The following GTF2I variants were observed in gnomAD, a reference collection of about 807,000 sequenced individuals.
The protein encoded by GTF2I is general transcription factor IIi, also known as general transcription factor II-I.
Under a neutral mutation model 67.6 loss-of-function variants are expected in GTF2I, and 12 were observed. The ratio of observed to expected loss-of-function variants is 0.18; its 90% CI spans 0.11 to 0.29. The LOEUF (loss-of-function observed/expected upper bound fraction) is 0.29, where lower values mean the gene tolerates loss of function less well. Ranked by LOEUF, GTF2I falls within the 10% of genes least tolerant of loss-of-function variation. The pLI is 1.00. For missense variants in GTF2I, 271 were observed against 580.1 expected (o/e 0.47, Z 5.47); for synonymous variants, 149 against 197.0 (o/e 0.76, Z 2.04).
At position 74,670,513 on chromosome 7, in the gene GTF2I, A is replaced by G. The variant is rs138442916; in HGVS notation, c.-6+12445A>G. Among the ~76,000 whole-genome samples the G allele has an allele frequency of 4.4e-3, 667 of 152,200 alleles. 3 individuals are homozygous for G. The highest frequency in any genetic ancestry group is 8.2e-3 in the Admixed American group (125 of 15,242). On this transcript the variant is annotated intron_variant, in intron 1 of 34. Coordinates refer to ENST00000573035, the MANE Select transcript of GTF2I (RefSeq NM_032999.4). ...GGAGTTTGAGACCATCCTGGCCAAC[A>G]TGGTAAAACCCCGTCTCTACTAAAA...
In GTF2I at chr7:74,737,275, C is replaced by T. The variant is rs810374; in HGVS notation, c.1619+592C>T. Among the ~76,000 whole-genome samples the T allele has an allele frequency of 6.7e-5, 10 of 149,558 alleles. 1 individual carries two copies. Among genetic ancestry groups the T allele is most frequent in the Admixed American group, 1.3e-4 (2 of 14,994 alleles). On this transcript the variant is annotated intron_variant, in intron 18 of 34. Coordinates refer to ENST00000573035, the MANE Select transcript of GTF2I (RefSeq NM_032999.4). ...AGGGAGAAGGCAAGGATGGCACACC[C>T]AGCTCGGTCACTTGTGCATCCAGAA...
At chr7:74,678,831 G>A (rs1242007188) in intron 1 of GTF2I, among the ~76,000 whole-genome samples, 1 of 152,094 alleles carries the variant, frequency 6.6e-6, no homozygotes, top group Non-Finnish European at 1.5e-5. Flanking sequence ...GAGTGCAGTG[G>A]CGCGATCTCG....
chr7:74,687,182 G>A (rs1445234475), intron 1 of GTF2I, among the ~76,000 whole-genome samples: 1 of 150,898 alleles, frequency 6.6e-6, no homozygotes, highest in Non-Finnish European at 1.5e-5. Flanking sequence ...TGAGCCACTG[G>A]GCCCAGCCAA....
chr7:74,691,188 TTTTCTTTCTTTC>T lies in GTF2I; in HGVS notation c.238+89_238+100del, dbSNP rs1170190379. The T allele has an allele frequency of 9.8e-5, 106 of 1,078,312 alleles. No individual in the cohort carries two copies. The African/African-American group carries it at 1.6e-3, about 16-fold the overall frequency. 66.8% of individuals were successfully genotyped at this position (1,078,312 alleles called of 1,614,324 possible). ...TTTGTAGGTAAGACAAGTTATATTA[TTTTCTTTCTTTC>T]TTTCTTTCTTTTTTTTTTTTTTTGA... On this transcript the variant is annotated intron_variant, in intron 3 of 34. Coordinates refer to ENST00000573035, the MANE Select transcript of GTF2I (RefSeq NM_032999.4).
chr7:74,712,152 T>A (rs1554402691), intron 9 of GTF2I, among the ~76,000 whole-genome samples: 1 of 152,148 alleles, frequency 6.6e-6, no homozygotes, highest in African/African-American at 2.4e-5. Flanking sequence ...GGTTTCACCA[T>A]GTTGGCCAGG....
At chr7:74,749,900 A>C (rs1431941611) in intron 26 of GTF2I, among the ~76,000 whole-genome samples, 4 of 150,204 alleles carry the variant, frequency 2.7e-5, no homozygotes, top group Non-Finnish European at 4.4e-5. Flanking sequence ...AAAACAAAAA[A>C]AAAAAAAAAA....
intron 1 of GTF2I, among the ~76,000 whole-genome samples, chr7:74,663,145 G>C (rs948134513): frequency 8.5e-5 from 13 of 152,160 alleles, no homozygotes; most frequent in African/African-American, 3.1e-4. Flanking sequence ...TTCATTCTTT[G>C]TTGATGACAT....
chr7:74,668,173 CTTT>C (rs781864782), intron 1 of GTF2I, among the ~76,000 whole-genome samples: 2 of 92,960 alleles, frequency 2.2e-5, no homozygotes, highest in East Asian at 3.4e-4. Flanking sequence ...TGGTGCAGAA[CTTT>C]TTTTTTTTTT....
Position 74,658,665 on chromosome 7 carries a change from C to T in GTF2I, c.-6+597C>T, listed in dbSNP as rs1474654052. Among the ~76,000 whole-genome samples, 3 of 149,418 alleles carry T rather than the reference C, an allele frequency of 2.0e-5. No homozygotes were observed. In the East Asian group the frequency reaches 6.1e-4, roughly 30 times the overall value. ...CTGGTAACTGCGGCGGGCGGGGGAG[C>T]GGGAGCGCTGTCCCCCGCCCCGCCC... On this transcript the variant is annotated intron_variant, in intron 1 of 34. Transcript: ENST00000573035.
intron 8 of GTF2I, 78 bp downstream of exon 8, chr7:74,706,511 C>A: frequency 2.8e-6 from 3 of 1,080,778 alleles, no homozygotes; most frequent in East Asian, 2.4e-5. Flanking sequence ...TAGTTTGACT[C>A]AATTATTGTT....
chr7:74,663,808 GT>G (rs1338899512), intron 1 of GTF2I, among the ~76,000 whole-genome samples: 1 of 151,968 alleles, frequency 6.6e-6, no homozygotes, highest in Admixed American at 6.6e-5. Flanking sequence ...GAAGATGTGT[GT>G]TTTTTTATTG....
At chr7:74,699,994 C>T (rs1584186377) in intron 4 of GTF2I, 2 of 357,306 alleles carry the variant, frequency 5.6e-6, no homozygotes, top group East Asian at 5.1e-5. Flanking sequence ...GTGCAAGAAA[C>T]CAACCATTGC....
At chr7:74,687,766 G>A (rs1787867645) in intron 1 of GTF2I, among the ~76,000 whole-genome samples, 1 of 152,158 alleles carries the variant, frequency 6.6e-6, no homozygotes, top group Non-Finnish European at 1.5e-5. Context: ...GAACCCTGGG[G>A]CTTTAGTTAA....
At chr7:74,718,334 G>C (rs183516390) in intron 11 of GTF2I, among the ~76,000 whole-genome samples, 7 of 152,304 alleles carry the variant, frequency 4.6e-5, no homozygotes, top group Admixed American at 4.6e-4. Flanking sequence ...CATTTGTCTT[G>C]TGTAGGAACA....
At chr7:74,695,249 A>G (rs1348890517) in intron 3 of GTF2I, among the ~76,000 whole-genome samples, 2 of 152,190 alleles carry the variant, frequency 1.3e-5, no homozygotes, top group Non-Finnish European at 2.9e-5. Context: ...CAAAGGATTT[A>G]GAGTATGACA....
intron 31 of GTF2I, chr7:74,756,594 C>CAATA (rs1554410743): frequency 2.3e-5 from 1 of 43,806 alleles, no homozygotes; most frequent in South Asian, 1.4e-4. Flanking sequence ...AACTCTGTCC[C>CAATA]AATAAATAAA....
chr7:74,697,157 G>A (rs1789005794), intron 3 of GTF2I, among the ~76,000 whole-genome samples: 2 of 152,018 alleles, frequency 1.3e-5, no homozygotes, highest in Admixed American at 1.3e-4. Context: ...CAGCACTTTG[G>A]GAGGCAGAGG....
At chr7:74,663,692 A>G (rs1478460917) in intron 1 of GTF2I, among the ~76,000 whole-genome samples, 1 of 152,208 alleles carries the variant, frequency 6.6e-6, no homozygotes, top group African/African-American at 2.4e-5. Flanking sequence ...ATACTTGGGA[A>G]TCAGTAGGCT....
intron 1 of GTF2I, chr7:74,687,501 G>A: frequency 2.1e-6 from 2 of 959,980 alleles, no homozygotes; most frequent in Non-Finnish European, 2.5e-6. Context: ...GGGATTACAG[G>A]CGTGAGCCAC....
Sources: gnomAD v4.1 joint callset for allele counts (sites outside exome capture counted in the v4.1 genomes callset) on GRCh38, gnomAD v4.1.1 for gene constraint, MANE v1.5 for transcripts, NCBI Gene and HGNC (gene_info 2026-07-23, HGNC 2026-07-21) for gene names.